Variants in ABI3BP observed in about 807,000 individuals in gnomAD.
ABI3BP encodes the protein ABI family member 3 binding protein.
Under a neutral mutation model 268.6 loss-of-function variants are expected in ABI3BP, and 216 were observed. The observed-to-expected ratio is 0.80, with a 90% CI of 0.72 to 0.90. The LOEUF (loss-of-function observed/expected upper bound fraction) is 0.90, where lower values mean the gene tolerates loss of function less well. Ranked by LOEUF, ABI3BP falls within the 40% of genes least tolerant of loss-of-function variation. The pLI, the probability that ABI3BP is intolerant of heterozygous loss-of-function variation, is 0.00. For synonymous variants in ABI3BP, 730 were observed against 730.0 expected, an observed-to-expected ratio of 1.00 and a Z score of 0.00; for missense variants, 2,090 against 2,182.4, an observed-to-expected ratio of 0.96 and a Z score of 0.84.
intron 43 of ABI3BP, 49 bp from the exon 44 acceptor site, chr3:100,816,020 A>T (rs779133548): frequency 1.6e-5 from 21 of 1,319,072 alleles, no homozygotes; most frequent in Non-Finnish European, 1.7e-5. Flanking sequence ...AGACTTTTTA[A>T]AAAAAATCCT....
chr3:100,916,854 C>T (rs567852872), intron 2 of ABI3BP, among the ~76,000 whole-genome samples: 8 of 152,306 alleles, frequency 5.3e-5, no homozygotes, highest in African/African-American at 1.9e-4. Context: ...GATTGTGAAA[C>T]ATCTGGGGAC....
intron 50 of ABI3BP, among the ~76,000 whole-genome samples, chr3:100,806,254 T>C (rs2097703163): frequency 6.6e-6 from 1 of 152,074 alleles, no homozygotes; most frequent in Non-Finnish European, 1.5e-5. Flanking sequence ...TGTTGCGCTT[T>C]AAGTTGTAAA....
At chr3:100,978,950 G>T (rs908056157) in intron 1 of ABI3BP, among the ~76,000 whole-genome samples, 5 of 152,292 alleles carry the variant, frequency 3.3e-5, no homozygotes, top group Non-Finnish European at 5.9e-5. Flanking sequence ...GGAGGTTAGG[G>T]GAGGCAGGAT....
chr3:100,953,187 C>A lies in ABI3BP; in HGVS notation c.80-26706G>T, dbSNP rs1584739797. 2.0e-5 allele frequency among the ~76,000 whole-genome samples: 3 copies of A among 152,150 alleles called. No homozygotes were observed. In the South Asian group the frequency reaches 6.2e-4, roughly 32 times the overall value. On this transcript the variant is annotated intron_variant, in intron 1 of 67. Coordinates refer to ENST00000471714, the MANE Select transcript of ABI3BP (RefSeq NM_001375547.2). ...ATCCAAAGGCTTGGCCTGAAAAGAC[C>A]AGCCAGTCTTCCATTTTTATAATTA... is the stretch of plus-strand genomic sequence containing the variant.
intron 9 of ABI3BP, among the ~76,000 whole-genome samples, chr3:100,872,848 C>T (rs148452513): frequency 1.3e-5 from 2 of 152,202 alleles, no homozygotes; most frequent in African/African-American, 4.8e-5. Context: ...AGTCACTTGA[C>T]TATTTTCTGG....
intron 6 of ABI3BP, among the ~76,000 whole-genome samples, chr3:100,882,243 G>A (rs951802055): frequency 5.0e-4 from 76 of 152,040 alleles, no homozygotes; most frequent in African/African-American, 1.7e-3. Flanking sequence ...TGCCTTCTAA[G>A]ATAGGTCTCA....
chr3:100,966,526 G>C (rs962416688), intron 1 of ABI3BP, among the ~76,000 whole-genome samples: 2 of 152,154 alleles, frequency 1.3e-5, no homozygotes, highest in African/African-American at 4.8e-5. Context: ...ACCCCTGCTT[G>C]AAAGTAAAAT....
At chr3:100,798,729 A>G (rs988648124) in intron 51 of ABI3BP, among the ~76,000 whole-genome samples, 9 of 152,246 alleles carry the variant, frequency 5.9e-5, no homozygotes, top group East Asian at 3.9e-4. Context: ...GTTTTGATAG[A>G]GTTAGAAAAT....
chr3:100,886,820 T>C (rs976102759), intron 4 of ABI3BP, among the ~76,000 whole-genome samples: 1 of 151,940 alleles, frequency 6.6e-6, no homozygotes, highest in African/African-American at 2.4e-5. Context: ...AGTACTGCAT[T>C]TTAAGGTTGA....
chr3:100,890,996 T>C (rs2044381828), intron 4 of ABI3BP, among the ~76,000 whole-genome samples: 1 of 151,952 alleles, frequency 6.6e-6, no homozygotes, highest in Non-Finnish European at 1.5e-5. Context: ...TTTTTTTTTT[T>C]TTTGTAGACC....
Position 100,894,952 on chromosome 3 carries a change from A to AAAAAAAAAAAAAAAAAAC in ABI3BP, c.461+3809_461+3810insGTTTTTTTTTTTTTTTTT, listed in dbSNP as rs1561384128. 2.3e-4 allele frequency among the ~76,000 whole-genome samples: 26 copies of AAAAAAAAAAAAAAAAAAC among 111,724 alleles called. 2 individuals carry two copies. Among genetic ancestry groups the AAAAAAAAAAAAAAAAAAC allele is most frequent in the Non-Finnish European group, 5.9e-4 (26 of 44,102 alleles). 73.3% of individuals were successfully genotyped at this position (111,724 alleles called of 152,430 possible). A position where few individuals can be genotyped will look rare whatever the true frequency, so the allele number is the denominator to read the frequency against. On this transcript the variant is annotated intron_variant, in intron 4 of 67. Transcript: ENST00000471714. Reference sequence around the variant, plus strand: ...GGATTCCGCTTCAAAAAAAAAAAAAAAAAAAAAAAAAAAAACAGAAAAAAA... The same window carrying AAAAAAAAAAAAAAAAAAC: ...GGATTCCGCTTCAAAAAAAAAAAAAAAAAAAAAAAAAAAAAAACAAAAAAAAAAAAAAACAGAAAAAAA...
chr3:100,915,493 G>A (rs1013483234), intron 2 of ABI3BP, among the ~76,000 whole-genome samples: 3 of 152,156 alleles, frequency 2.0e-5, no homozygotes, highest in East Asian at 3.9e-4. Context: ...AGCTGAAGTC[G>A]CTGAATAGGG....
intron 1 of ABI3BP, among the ~76,000 whole-genome samples, chr3:100,965,597 T>C (rs1171316803): frequency 1.3e-5 from 2 of 151,972 alleles, no homozygotes; most frequent in Non-Finnish European, 2.9e-5. Flanking sequence ...TAATTTAAAA[T>C]AAATTTATTG....
chr3:100,846,166 GTGA>G (rs1177212648), intron 20 of ABI3BP, among the ~76,000 whole-genome samples: 1 of 152,138 alleles, frequency 6.6e-6, no homozygotes, highest in Non-Finnish European at 1.5e-5. Context: ...TGTTTTCTCT[GTGA>G]TGATCATGAA....
At chr3:100,907,422 A>AG (rs1378831315) in intron 2 of ABI3BP, among the ~76,000 whole-genome samples, 1 of 152,174 alleles carries the variant, frequency 6.6e-6, no homozygotes, top group African/African-American at 2.4e-5. Context: ...TGAGCCCATG[A>AG]GGCACAGGTT....
chr3:100,863,768 T>C (rs560819567), intron 12 of ABI3BP: 1 of 484,138 alleles, frequency 2.1e-6, no homozygotes, highest in African/African-American at 1.9e-5. Context: ...CAGTGACATA[T>C]TGATTCTGAA....
intron 3 of ABI3BP, 49 bp from the exon 4 acceptor site, chr3:100,898,943 T>A (rs770214325): frequency 1.2e-5 from 19 of 1,534,216 alleles, no homozygotes; most frequent in Non-Finnish European, 1.6e-5. Context: ...TTTAGTAAGT[T>A]GCCATGATTC....
intron 2 of ABI3BP, among the ~76,000 whole-genome samples, chr3:100,920,888 A>C (rs1317470396): frequency 6.6e-6 from 1 of 152,236 alleles, no homozygotes; most frequent in Non-Finnish European, 1.5e-5. Context: ...TCTGACTCAA[A>C]AGTAAACAGG....
intron 4 of ABI3BP, among the ~76,000 whole-genome samples, chr3:100,898,193 A>G (rs576559057): frequency 6.6e-6 from 1 of 152,270 alleles, no homozygotes; most frequent in East Asian, 1.9e-4. Flanking sequence ...GTCTCTCCTC[A>G]GTTTTCTAAG....
Sources: allele counts gnomAD v4.1 joint callset (sites outside exome capture counted in the v4.1 genomes callset), GRCh38; gene constraint gnomAD v4.1.1; transcripts MANE v1.5; gene names NCBI Gene and HGNC (gene_info 2026-07-23, HGNC 2026-07-21).